The following SLCO1A2 variants were observed in gnomAD, a reference collection of about 807,000 sequenced individuals.
SLCO1A2 encodes the protein OATP-1.
A neutral mutation model predicts 69.0 loss-of-function variants in SLCO1A2; 67 were observed. The observed-to-expected ratio is 0.97, with a 90% confidence interval of 0.80 to 1.19. The LOEUF (loss-of-function observed/expected upper bound fraction) is 1.19. Ranked by LOEUF, SLCO1A2 falls within the 50% of genes most tolerant of loss-of-function variation. The pLI is 0.00. For missense variants in SLCO1A2, 787 were observed against 793.7 expected (o/e 0.99, Z 0.10); for synonymous variants, 260 against 265.9 (o/e 0.98, Z 0.22).
chr12:21,344,026 A>G (rs1953166905), intron 2 of SLCO1A2, among the ~76,000 whole-genome samples: 1 of 152,138 alleles, frequency 6.6e-6, no homozygotes, highest in South Asian at 2.1e-4. Context: ...TGTCCTTTAA[A>G]TATGATAAAA....
upstream of SLCO1A2, among the ~76,000 whole-genome samples, chr12:21,336,643 A>T (rs1344266691): frequency 6.6e-6 from 1 of 152,026 alleles, no homozygotes; most frequent in Non-Finnish European, 1.5e-5. Flanking sequence ...AAATAAACAA[A>T]TTAACAAAAT....
chr12:21,340,024 T>G (rs1430957252), intron 2 of SLCO1A2, among the ~76,000 whole-genome samples: 1 of 152,024 alleles, frequency 6.6e-6, no homozygotes, highest in Admixed American at 6.6e-5. Context: ...AGGGTCGCTA[T>G]TCATATTTAA....
chr12:21,364,895 C>T (rs1939243500), intron 2 of SLCO1A2, among the ~76,000 whole-genome samples: 2 of 152,016 alleles, frequency 1.3e-5, no homozygotes, highest in Non-Finnish European at 2.9e-5. Context: ...CAAAATAAAA[C>T]AGGACACAAA....
chr12:21,395,787 C>CT (rs1555131022), upstream of SLCO1A2, among the ~76,000 whole-genome samples: 4 of 152,124 alleles, frequency 2.6e-5, no homozygotes, highest in Non-Finnish European at 4.4e-5. Context: ...CGGCAGGGTA[C>CT]TCCAACAGAC....
At position 21,304,569 on chromosome 12, in the gene SLCO1A2, A is replaced by G; in HGVS notation, c.447T>C (p.Cys149=). The change falls in exon 6 of 15, where the codon TGT becomes TGC. Residue 149 remains cysteine, a synonymous_variant. Coordinates refer to ENST00000683939, the MANE Select transcript of SLCO1A2 (RefSeq NM_001386879.1). The stretch of plus-strand genomic sequence containing the variant: ...ACATTAATGATTTAACTTCCTTTGT[A>G]CACTCTGCATTAAAAAAAAAAGACA... ...ILRPTQDPSE[C]TKEVKSLMWV... is the part of the protein sequence containing the mutation. 3 of 1,593,326 alleles carry G rather than the reference A, an allele frequency of 1.9e-6. No individual in the cohort carries two copies. The highest frequency in any genetic ancestry group is 2.6e-6 in the Non-Finnish European group (3 of 1,175,126).
At chr12:21,271,842 TTATA>T (rs1369509669) in intron 14 of SLCO1A2, among the ~76,000 whole-genome samples, 1 of 148,440 alleles carries the variant, frequency 6.7e-6, no homozygotes, top group Non-Finnish European at 1.5e-5. Flanking sequence ...ATATACATAT[TTATA>T]TACATATATT....
At chr12:21,315,883 T>A (rs1950805488) in intron 3 of SLCO1A2, among the ~76,000 whole-genome samples, 1 of 152,198 alleles carries the variant, frequency 6.6e-6, no homozygotes, top group Admixed American at 6.5e-5. Context: ...ACTGCCTTGC[T>A]CTGTCAGGAA....
upstream of SLCO1A2, among the ~76,000 whole-genome samples, chr12:21,396,337 A>G (rs1449652127): frequency 5.3e-5 from 8 of 150,274 alleles, no homozygotes; most frequent in Non-Finnish European, 1.2e-4. Flanking sequence ...GAATAAAAAG[A>G]AATGAGCAAA....
intron 2 of SLCO1A2, among the ~76,000 whole-genome samples, chr12:21,360,130 G>A (rs1282368783): frequency 1.3e-5 from 2 of 152,136 alleles, no homozygotes; most frequent in African/African-American, 2.4e-5. Flanking sequence ...GTTACCTGAG[G>A]AGTGGGTTGG....
At chr12:21,275,784 T>A (rs556823536) in intron 12 of SLCO1A2, among the ~76,000 whole-genome samples, 1 of 152,010 alleles carries the variant, frequency 6.6e-6, no homozygotes, top group South Asian at 2.1e-4. Context: ...CTACTAAAAA[T>A]ACAAAAAATT....
At chr12:21,364,082 GAA>G (rs1476534493) in intron 2 of SLCO1A2, among the ~76,000 whole-genome samples, 1 of 152,134 alleles carries the variant, frequency 6.6e-6, no homozygotes, top group Non-Finnish European at 1.5e-5. Context: ...AAGCCTGGCA[GAA>G]ACACAACAAA....
At chr12:21,378,434 T>A in intron 1 of SLCO1A2, 1 of 1,600,904 alleles carries the variant, frequency 6.2e-7, no homozygotes, top group Admixed American at 1.7e-5. Context: ...TAGAGGACAA[T>A]GTAACTCTAT....
intron 5 of SLCO1A2, among the ~76,000 whole-genome samples, chr12:21,305,398 G>T (rs1328266489): frequency 2.0e-5 from 3 of 152,322 alleles, no homozygotes; most frequent in African/African-American, 7.2e-5. Context: ...CTATAAATTT[G>T]CCAGGTGAGA....
intron 11 of SLCO1A2, among the ~76,000 whole-genome samples, chr12:21,293,595 G>GTA (rs147597428): frequency 0.036 from 5,428 of 150,154 alleles, 293 homozygotes; most frequent in African/African-American, 0.12. Context: ...ATATATATAT[G>GTA]TATATATATA....
At chr12:21,322,590 G>A (rs1206153637) in intron 2 of SLCO1A2, among the ~76,000 whole-genome samples, 1 of 152,148 alleles carries the variant, frequency 6.6e-6, no homozygotes, top group Admixed American at 6.6e-5. Flanking sequence ...AGGGCTTGTG[G>A]GGACCAAGGT....
chr12:21,365,233 A>T (rs915432358), intron 2 of SLCO1A2, among the ~76,000 whole-genome samples: 1 of 152,204 alleles, frequency 6.6e-6, no homozygotes, highest in Admixed American at 6.5e-5. Context: ...AGCCCTCAGA[A>T]ATAATACCAC....
At chr12:21,419,296 C>T (rs1232549867), upstream of SLCO1A2, 1 of 157,016 alleles carries the variant, frequency 6.4e-6, no homozygotes, top group African/African-American at 2.4e-5. Context: ...TCTGCATTTC[C>T]ATCTGAGGTA....
At chr12:21,313,455 G>C (rs1383741208) in intron 4 of SLCO1A2, among the ~76,000 whole-genome samples, 2 of 152,186 alleles carry the variant, frequency 1.3e-5, no homozygotes, top group Non-Finnish European at 2.9e-5. Flanking sequence ...GCTCATGCCT[G>C]TAATCCCGCA....
chr12:21,301,788 CCA>C (rs1463206505), intron 6 of SLCO1A2, among the ~76,000 whole-genome samples: 3 of 152,126 alleles, frequency 2.0e-5, no homozygotes, highest in Non-Finnish European at 4.4e-5. Context: ...TCCTTTACTT[CCA>C]CAGTTTTATT....
Sources: gnomAD v4.1 joint callset for allele counts (sites outside exome capture counted in the v4.1 genomes callset) on GRCh38, gnomAD v4.1.1 for gene constraint, MANE v1.5 for transcripts, NCBI Gene and HGNC (gene_info 2026-07-23, HGNC 2026-07-21) for gene names.